Variants in LRRC9 observed in about 807,000 individuals in gnomAD.
The protein encoded by LRRC9 is leucine-rich repeat-containing protein 9.
A neutral mutation model predicts 63.2 loss-of-function variants in LRRC9; 122 were observed. That is an observed-to-expected ratio of 1.93 (90% confidence interval 1.67 to 2.24). LRRC9 has a LOEUF of 2.24. Ranked by LOEUF, LRRC9 falls within the 30% of genes most tolerant of loss-of-function variation. The pLI is 0.00. For missense variants in LRRC9, 1,071 were observed against 627.7 expected (o/e 1.71, Z -7.55); for synonymous variants, 366 against 213.1 (o/e 1.72, Z -6.25).
At chr14:59,969,590 T>G (rs913558811) in intron 12 of LRRC9, among the ~76,000 whole-genome samples, 1 of 152,150 alleles carries the variant, frequency 6.6e-6, no homozygotes, top group Non-Finnish European at 1.5e-5. Flanking sequence ...GTTGGCAGTA[T>G]CTACAGGCAG....
chr14:60,035,963 G>A (rs1257383693), intron 29 of LRRC9, among the ~76,000 whole-genome samples: 1 of 148,602 alleles, frequency 6.7e-6, no homozygotes, highest in East Asian at 2.0e-4. Flanking sequence ...ACAATTCTGA[G>A]GCTGAAAGTA....
intron 8 of LRRC9, among the ~76,000 whole-genome samples, chr14:59,948,577 G>C (rs1882735701): frequency 1.2e-5 from 1 of 80,552 alleles, no homozygotes; most frequent in Non-Finnish European, 2.3e-5. Flanking sequence ...GGGCATCCCT[G>C]TCTTGTGCCA....
At position 60,031,556 on chromosome 14, in the gene LRRC9, T is replaced by C. The variant is rs539730217; in HGVS notation, c.3922-439T>C. ...GCTATATATATTCCCAGCAAGTACA[T>C]CAAGACGCAATCCACTCAATATTAC... is the stretch of plus-strand genomic sequence containing the variant. On this transcript the variant is annotated intron_variant, in intron 28 of 31. Coordinates refer to ENST00000445360, the Ensembl canonical transcript of LRRC9. This position sits in a 1 kb window ranked among gnomAD's most constrained non-coding sequence, Gnocchi z 4.6. Among the ~76,000 whole-genome samples the C allele has an allele frequency of 7.2e-5, 11 of 152,186 alleles. No homozygotes were observed. The South Asian group carries it at 2.1e-3, about 29-fold the overall frequency.
rs1427319170 is a variant in LRRC9 at position 59,964,746 on chromosome 14, G to A, written c.1212-1843G>A. 2.0e-5 allele frequency among the ~76,000 whole-genome samples: 3 copies of A among 152,150 alleles called. No individual in the cohort carries two copies. Among genetic ancestry groups the A allele is most frequent in the African/African-American group, 7.2e-5 (3 of 41,432 alleles). On this transcript the variant is annotated intron_variant, in intron 10 of 31. Transcript: ENST00000445360. This position sits in a 1 kb window ranked among gnomAD's most constrained non-coding sequence, Gnocchi z 4.4. ...TAGCTTCCCCACCTCAGATGCTAAT[G>A]TGGCTGTTTTGTAGGTACTCTAAAC... is the stretch of plus-strand genomic sequence containing the variant.
chr14:59,976,248 A>ATAAAGTACACAATAAATATAATACACCG (rs1886272833), intron 13 of LRRC9, among the ~76,000 whole-genome samples: 1 of 152,258 alleles, frequency 6.6e-6, no homozygotes, highest in African/African-American at 2.4e-5. Flanking sequence ...AATAATAGAA[A>ATAAAGTACACAATAAATATAATACACCG]TAAAGTACAC....
At chr14:60,026,938 A>C (rs1891602504) in intron 27 of LRRC9, among the ~76,000 whole-genome samples, 1 of 151,976 alleles carries the variant, frequency 6.6e-6, no homozygotes, top group South Asian at 2.1e-4. Context: ...ATTTAACCTT[A>C]ATTATCTTTT....
exon 5 of LRRC9, chr14:59,931,680 T>C (rs1889713329): frequency 1.4e-6 from 1 of 698,188 alleles, no homozygotes; most frequent in Admixed American, 2.0e-5. Flanking sequence ...ATAAATAGCA[T>C]TGGTATGTAC....
intron 17 of LRRC9, among the ~76,000 whole-genome samples, chr14:59,987,187 C>T (rs1279208001): frequency 6.6e-6 from 1 of 151,918 alleles, no homozygotes; most frequent in Non-Finnish European, 1.5e-5. Context: ...CACAAGAAAT[C>T]ATTATCCTAA....
intron 27 of LRRC9, among the ~76,000 whole-genome samples, chr14:60,023,580 T>C (rs1891285235): frequency 6.6e-6 from 1 of 152,226 alleles, no homozygotes; most frequent in Non-Finnish European, 1.5e-5. Flanking sequence ...ATTTGATAAA[T>C]AATCCTCATT....
Position 59,989,568 on chromosome 14 carries a change from C to T in LRRC9, c.2211+4344C>T, listed in dbSNP as rs114033686. ...AGATTTATATTGTTATTTTATGTCT[C>T]ATATCATTCTTAACATCTTTTAGTT... On this transcript the variant is annotated intron_variant, in intron 17 of 31. Coordinates refer to ENST00000445360, the Ensembl canonical transcript of LRRC9. Among the ~76,000 whole-genome samples the T allele has an allele frequency of 2.5e-3, 373 of 152,114 alleles. 1 individual carries two copies. Among genetic ancestry groups the T allele is most frequent in the African/African-American group, 8.7e-3 (361 of 41,508 alleles).
intron 27 of LRRC9, 103 bp downstream of exon 27, chr14:60,022,973 C>T (rs958169959): frequency 4.9e-6 from 2 of 410,906 alleles, no homozygotes; most frequent in Non-Finnish European, 8.6e-6. Context: ...TTTACTCAAA[C>T]ATTCATAGAC....
At chr14:60,018,261 A>G in intron 24 of LRRC9, 110 bp from the exon 25 acceptor site, 1 of 652,814 alleles carries the variant, frequency 1.5e-6, no homozygotes, top group East Asian at 2.8e-5. Flanking sequence ...TATACTTGTC[A>G]GGTGAGACTT....
At chr14:60,064,710 T>C (rs948977700), downstream of LRRC9, among the ~76,000 whole-genome samples, 1 of 152,230 alleles carries the variant, frequency 6.6e-6, no homozygotes, top group Non-Finnish European at 1.5e-5. Flanking sequence ...TGCCCTTTAG[T>C]TTTGACAACT....
intron 23 of LRRC9, among the ~76,000 whole-genome samples, chr14:60,013,637 C>G (rs1056334171): frequency 1.3e-5 from 2 of 152,022 alleles, no homozygotes; most frequent in African/African-American, 4.8e-5. Context: ...TCTTGGTGGA[C>G]TGACCGTTTT....
intron 12 of LRRC9, among the ~76,000 whole-genome samples, chr14:59,968,782 G>A (rs942996784): frequency 6.6e-6 from 1 of 152,204 alleles, no homozygotes; most frequent in African/African-American, 2.4e-5. Context: ...CCTGTGCTGA[G>A]TACTTTATCT....
intron 12 of LRRC9, among the ~76,000 whole-genome samples, chr14:59,968,690 C>T (rs1188584881): frequency 6.6e-6 from 1 of 152,108 alleles, no homozygotes; most frequent in Non-Finnish European, 1.5e-5. Flanking sequence ...TGCTCACATT[C>T]GGTCCAGAGA....
At chr14:59,955,946 GT>G (rs1263544541) in intron 8 of LRRC9, among the ~76,000 whole-genome samples, 2 of 152,066 alleles carry the variant, frequency 1.3e-5, no homozygotes, top group Admixed American at 6.6e-5. Context: ...TTTTGTGTGG[GT>G]TTTAAGTGAG....
intron 1 of LRRC9, among the ~76,000 whole-genome samples, chr14:59,925,234 T>A (rs1366118133): frequency 1.3e-5 from 2 of 152,194 alleles, no homozygotes; most frequent in Non-Finnish European, 2.9e-5. Context: ...CATTTTGTGC[T>A]GCTATAATAA....
At chr14:59,972,560 T>C (rs939247096) in intron 12 of LRRC9, among the ~76,000 whole-genome samples, 2 of 151,982 alleles carry the variant, frequency 1.3e-5, no homozygotes, top group Non-Finnish European at 2.9e-5. Context: ...TTTGTCTGAT[T>C]CCCCCCACCA....
Sources: gnomAD v4.1 joint callset for allele counts (sites outside exome capture counted in the v4.1 genomes callset) on GRCh38, gnomAD v4.1.1 for gene constraint, Gnocchi (gnomAD v3.1) non-coding constraint, MANE v1.5 for transcripts, NCBI Gene and HGNC (gene_info 2026-07-23, HGNC 2026-07-21) for gene names.